RAD51B: variants seen among roughly 807,000 people sequenced by gnomAD.
RAD51B encodes the protein RAD51 paralog B, also known as DNA repair protein RAD51 homolog 2.
Under a neutral mutation model 42.2 loss-of-function variants are expected in RAD51B, and 38 were observed. The observed-to-expected ratio is 0.90, with a 90% CI of 0.70 to 1.18. RAD51B has a LOEUF of 1.18. Among genes scored for constraint, RAD51B ranks in the 50% most tolerant of loss-of-function variants. The pLI is 0.00. For synonymous variants in RAD51B, 154 were observed against 145.2 expected (o/e 1.06, Z -0.43); for missense variants, 373 against 400.7 (o/e 0.93, Z 0.59).
chr14:68,023,099 A>G (rs1392729705), intron 7 of RAD51B, among the ~76,000 whole-genome samples: 2 of 152,200 alleles, frequency 1.3e-5, no homozygotes, highest in Admixed American at 1.3e-4. Context: ...GCTATTGTGC[A>G]TAGTGCTGCA....
At position 67,887,100 on chromosome 14, in the gene RAD51B, A is replaced by G. The variant is rs1320319465; in HGVS notation, c.652A>G (p.Lys218Glu). ...ILDSVASVVRKEFDAQLQGNL... is the reference protein window; with the variant it reads ...ILDSVASVVREEFDAQLQGNL... The stretch of plus-strand genomic sequence containing the variant: ...TGACTCTGTTGCTTCTGTGGTCAGA[A>G]AGGAGTTTGATGCACAACTTCAAGG... Residue 218 changes from lysine (K) to glutamate (E), a missense_variant, in exon 7 of 11, where the codon AAG (lysine) becomes GAG (glutamate). By Grantham distance (56) the Lys-to-Glu change is moderately conservative (BLOSUM62 1). Transcript: ENST00000471583. 6.3e-7 allele frequency: 1 copy of G among 1,594,746 alleles called. No homozygotes were observed. Among genetic ancestry groups the G allele is most frequent in the Non-Finnish European group, 8.6e-7 (1 of 1,163,952 alleles).
chr14:68,356,252 G>A (rs1198721379), intron 8 of RAD51B, among the ~76,000 whole-genome samples: 2 of 152,086 alleles, frequency 1.3e-5, no homozygotes, highest in African/African-American at 4.8e-5. Flanking sequence ...CTAACAGGGT[G>A]AAACCCCGTC....
At chr14:68,058,380 G>A (rs1980655) in intron 7 of RAD51B, among the ~76,000 whole-genome samples, 40,067 of 151,884 alleles carry the variant, frequency 0.26, 6,742 homozygotes, top group African/African-American at 0.48. Flanking sequence ...TAGGCAATAC[G>A]TGTACATTTT....
At chr14:68,433,508 C>T (rs1015197384) in intron 9 of RAD51B, among the ~76,000 whole-genome samples, 5 of 152,178 alleles carry the variant, frequency 3.3e-5, no homozygotes, top group Non-Finnish European at 7.4e-5. Flanking sequence ...GATCTTCAAT[C>T]GCTGATACCC....
At chr14:68,285,209 T>C (rs1160796481) in intron 7 of RAD51B, among the ~76,000 whole-genome samples, 1 of 152,170 alleles carries the variant, frequency 6.6e-6, no homozygotes, top group Non-Finnish European at 1.5e-5. Flanking sequence ...CTCTGTCTCC[T>C]TAAAAGCAAG....
At chr14:68,073,356 T>G (rs956252729) in intron 7 of RAD51B, among the ~76,000 whole-genome samples, 1 of 152,232 alleles carries the variant, frequency 6.6e-6, no homozygotes, top group Non-Finnish European at 1.5e-5. Flanking sequence ...TGCTCTTTTT[T>G]ATTTTATGTT....
chr14:68,601,353 G>A (rs973183301), intron 10 of RAD51B, among the ~76,000 whole-genome samples: 1 of 152,130 alleles, frequency 6.6e-6, no homozygotes, highest in Non-Finnish European at 1.5e-5. Context: ...CCACAGACTA[G>A]CTTTGTGACC....
At chr14:68,356,077 CATTGCAATAAAGTAAAT>C (rs1392576069) in intron 8 of RAD51B, among the ~76,000 whole-genome samples, 2 of 152,118 alleles carry the variant, frequency 1.3e-5, no homozygotes, top group Non-Finnish European at 2.9e-5. Context: ...GGTTCCAGAC[CATTGCAATAAAGTAAAT>C]ATTGCAATAA....
At chr14:68,151,174 G>A (rs1329071509) in intron 7 of RAD51B, among the ~76,000 whole-genome samples, 1 of 151,664 alleles carries the variant, frequency 6.6e-6, no homozygotes, top group Non-Finnish European at 1.5e-5. Context: ...TATCTTTGTT[G>A]GGTATAGAAT....
At chr14:68,661,403 C>A (rs912462208) in intron 11 of RAD51B, among the ~76,000 whole-genome samples, 1 of 152,136 alleles carries the variant, frequency 6.6e-6, no homozygotes, top group African/African-American at 2.4e-5. Context: ...GGGTCTGCAC[C>A]AGGGGTTGAT....
chr14:68,288,616 A>T (rs530659431), intron 7 of RAD51B, among the ~76,000 whole-genome samples: 127 of 152,378 alleles, frequency 8.3e-4, no homozygotes, highest in African/African-American at 2.2e-3. Flanking sequence ...TTACAGAACC[A>T]GTGAAGTGAG....
In RAD51B at chr14:67,854,227, A is replaced by G. The variant is rs141122940; in HGVS notation, c.316-10776A>G. Among the ~76,000 whole-genome samples, 312 of 152,374 alleles carry G rather than the reference A, an allele frequency of 2.0e-3. 12 individuals are homozygous for G. In the East Asian group the frequency reaches 0.045, roughly 22 times the overall value. On this transcript the variant is annotated intron_variant, in intron 4 of 10. Transcript: ENST00000471583. The stretch of plus-strand genomic sequence containing the variant: ...TAAATATCTGTGCTTTATACATAAA[A>G]GAGTAAAATCTTCCCCTTCCTCCAA...
chr14:67,844,985 C>T (rs1360704726), intron 4 of RAD51B, among the ~76,000 whole-genome samples: 4 of 152,142 alleles, frequency 2.6e-5, no homozygotes, highest in Non-Finnish European at 5.9e-5. Context: ...TTATTTTGAG[C>T]TTATGGGTGT....
intron 7 of RAD51B, among the ~76,000 whole-genome samples, chr14:68,243,045 T>TA (rs2080425193): frequency 6.6e-6 from 1 of 152,224 alleles, no homozygotes; most frequent in South Asian, 2.1e-4. Context: ...ACTATACTAC[T>TA]AATAATACCA....
chr14:67,852,972 C>T (rs2041875594), intron 4 of RAD51B, among the ~76,000 whole-genome samples: 1 of 152,060 alleles, frequency 6.6e-6, no homozygotes, highest in Non-Finnish European at 1.5e-5. Flanking sequence ...TTATTTGGAT[C>T]TAATCATATG....
intron 11 of RAD51B, chr14:68,650,978 C>A: frequency 1.7e-6 from 1 of 590,616 alleles, no homozygotes; most frequent in African/African-American, 1.9e-5. Context: ...TGAAGAGATA[C>A]AAATGGCCAC....
chr14:68,459,228 G>T (rs1221029391), intron 9 of RAD51B, among the ~76,000 whole-genome samples: 1 of 152,216 alleles, frequency 6.6e-6, no homozygotes, highest in Non-Finnish European at 1.5e-5. Flanking sequence ...CTCAACCTGG[G>T]AAGGGACAGA....
chr14:67,909,141 T>A (rs1055431654), intron 7 of RAD51B, among the ~76,000 whole-genome samples: 4 of 152,180 alleles, frequency 2.6e-5, no homozygotes, highest in Admixed American at 2.0e-4. Context: ...TTTGGAATCT[T>A]CAGTAATTTT....
At chr14:68,117,391 G>A (rs974247392) in intron 7 of RAD51B, among the ~76,000 whole-genome samples, 1 of 152,072 alleles carries the variant, frequency 6.6e-6, no homozygotes. Flanking sequence ...TCTGGTGGCT[G>A]CTCAGTATTG....
Sources: allele counts gnomAD v4.1 joint callset (sites outside exome capture counted in the v4.1 genomes callset), GRCh38; gene constraint gnomAD v4.1.1; transcripts MANE v1.5; gene names NCBI Gene and HGNC (gene_info 2026-07-23, HGNC 2026-07-21).